TIAM2: variants seen among roughly 807,000 people sequenced by gnomAD.
The protein encoded by TIAM2 is rho guanine nucleotide exchange factor TIAM2.
In TIAM2, 80 loss-of-function variants were observed where a neutral mutation model predicts 152.9. The ratio of observed to expected loss-of-function variants is 0.52; its 90% CI spans 0.44 to 0.63. The LOEUF is 0.63. Among genes scored for constraint, TIAM2 ranks in the 30% least tolerant of loss-of-function variants. TIAM2 has a pLI of 0.00. For synonymous variants in TIAM2, 804 were observed against 838.0 expected, an observed-to-expected ratio of 0.96 and a Z score of 0.70; for missense variants, 1,965 against 2,120.1, an observed-to-expected ratio of 0.93 and a Z score of 1.44.
chr6:155,079,258 C>T (rs987211668), intron 1 of TIAM2, among the ~76,000 whole-genome samples: 4 of 152,106 alleles, frequency 2.6e-5, no homozygotes, highest in Admixed American at 2.6e-4. Flanking sequence ...GACTGGGTTT[C>T]ACCATGTTGG....
In TIAM2 at chr6:155,257,263, A is replaced by AAAG. The variant is rs1309658387; in HGVS notation, c.*144_*146dup. Reference sequence around the variant, plus strand: ...ATACATTTTCCCACAAAATGGTTGTAAAGATTTAAGTTATTTTAATTTATT... The same window carrying AAAG: ...ATACATTTTCCCACAAAATGGTTGTAAAGAAGATTTAAGTTATTTTAATTTATT... On this transcript the variant is annotated 3_prime_UTR_variant, in exon 27 of 27. Transcript: ENST00000682666. 4.2e-6 allele frequency: 4 copies of AAAG among 945,122 alleles called. No individual in the cohort carries two copies. In the African/African-American group the frequency reaches 5.0e-5, roughly 12 times the overall value. 58.5% of individuals were successfully genotyped at this position (945,122 alleles called of 1,614,324 possible). A position where few individuals can be genotyped will look rare whatever the true frequency, so the allele number is the denominator to read the frequency against.
intron 15 of TIAM2, among the ~76,000 whole-genome samples, chr6:155,224,540 G>C (rs1467234517): frequency 6.6e-6 from 1 of 152,084 alleles, no homozygotes; most frequent in Admixed American, 6.5e-5. Flanking sequence ...TGAAGAAAAG[G>C]GCAAGAAAAA....
intron 14 of TIAM2, among the ~76,000 whole-genome samples, chr6:155,204,466 G>A (rs1218675089): frequency 6.6e-6 from 1 of 152,110 alleles, no homozygotes; most frequent in Non-Finnish European, 1.5e-5. Flanking sequence ...TTCAAACAAA[G>A]TATTCAAACC....
At chr6:155,184,450 A>G (rs527743922) in intron 14 of TIAM2, among the ~76,000 whole-genome samples, 5 of 152,318 alleles carry the variant, frequency 3.3e-5, no homozygotes, top group Admixed American at 6.5e-5. Context: ...TGTGTATTTC[A>G]TGTACTGCAG....
At position 155,129,305 on chromosome 6, in the gene TIAM2, T is replaced by G. The variant is rs1402890290; in HGVS notation, c.82T>G (p.Cys28Gly). ...TATTACTGGTGCTAAGCAAATTCCT[T>G]GCTCCCTGAAAATACGTGGCATTCA... ...NTITGAKQIP[C>G]SLKIRGIHAK... The change falls in exon 4 of 27, where the codon TGC becomes GGC. Residue 28 changes from cysteine (C) to glycine (G), a missense_variant. Around this residue, in one of 3 missense-constraint regions of TIAM2, gnomAD observed 1,025 missense variants for 1,119.4 expected, o/e 0.92. Transcript: ENST00000682666. The surrounding 1 kb of genome is among the most constrained non-coding windows in gnomAD (Gnocchi z 4.8). The G allele has an allele frequency of 6.2e-7, 1 of 1,614,214 alleles. No individual in the cohort carries two copies. The highest frequency in any genetic ancestry group is 1.1e-5 in the South Asian group (1 of 91,080).
chr6:155,180,149 C>T (rs868792409), intron 12 of TIAM2, among the ~76,000 whole-genome samples: 38 of 152,080 alleles, frequency 2.5e-4, no homozygotes, highest in African/African-American at 8.9e-4. Flanking sequence ...CATGGTGGTA[C>T]ATGCCTGTAA....
In TIAM2 at chr6:155,177,658, C is replaced by T. The variant is rs139181943; in HGVS notation, c.2523+681C>T. Among the ~76,000 whole-genome samples the T allele has an allele frequency of 2.4e-4, 36 of 152,358 alleles. No individual in the cohort carries two copies. In the East Asian group the frequency reaches 5.8e-3, roughly 24 times the overall value. ...CATATAGAGTTTGGCAACACTTAAT[C>T]ATGTGCACTTAATAAATGTGAAAAA... On this transcript the variant is annotated intron_variant, in intron 10 of 26. Transcript: ENST00000682666.
intron 1 of TIAM2, among the ~76,000 whole-genome samples, chr6:155,017,283 T>C (rs1244329462): frequency 6.6e-6 from 1 of 151,792 alleles, no homozygotes; most frequent in Non-Finnish European, 1.5e-5. Context: ...GGTAATGACG[T>C]GATTGTGGAA....
chr6:155,065,205 C>T (rs1056625843), intron 1 of TIAM2, among the ~76,000 whole-genome samples: 3 of 152,070 alleles, frequency 2.0e-5, no homozygotes, highest in African/African-American at 2.4e-5. Context: ...CTGCCCACCT[C>T]GGCCTCCCAA....
At chr6:155,109,402 G>A (rs1778780910) in intron 2 of TIAM2, among the ~76,000 whole-genome samples, 1 of 152,166 alleles carries the variant, frequency 6.6e-6, no homozygotes, top group African/African-American at 2.4e-5. Flanking sequence ...CTACATGAAG[G>A]TAATAACAGC....
chr6:155,118,275 G>A (rs1323947090), intron 2 of TIAM2, among the ~76,000 whole-genome samples: 2 of 152,160 alleles, frequency 1.3e-5, no homozygotes, highest in Non-Finnish European at 2.9e-5. Flanking sequence ...CCCTGAAGGA[G>A]CTGGGGTCTT....
chr6:155,217,263 T>G (rs1307213219), intron 15 of TIAM2, among the ~76,000 whole-genome samples: 1 of 152,368 alleles, frequency 6.6e-6, no homozygotes, highest in African/African-American at 2.4e-5. Flanking sequence ...CTGACAGTGA[T>G]CTTTACATGC....
chr6:155,035,623 A>G (rs1189394261), intron 1 of TIAM2, among the ~76,000 whole-genome samples: 1 of 152,192 alleles, frequency 6.6e-6, no homozygotes, highest in Non-Finnish European at 1.5e-5. Context: ...TGTAAGGTCT[A>G]AGCAATTTGA....
chr6:155,247,836 C>T (rs1036398905), intron 19 of TIAM2, among the ~76,000 whole-genome samples, 164 bp from the exon 20 acceptor site: 2 of 152,184 alleles, frequency 1.3e-5, no homozygotes, highest in African/African-American at 4.8e-5. Context: ...CGGAATCCCA[C>T]GCTGACAGCT....
chr6:155,152,450 C>A (rs1779996633), intron 7 of TIAM2, among the ~76,000 whole-genome samples: 1 of 152,188 alleles, frequency 6.6e-6, no homozygotes, highest in Non-Finnish European at 1.5e-5. Flanking sequence ...GCCGTACCTC[C>A]CCGCTCTCTG....
chr6:155,224,520 G>A (rs28360574), intron 15 of TIAM2, among the ~76,000 whole-genome samples: 15,700 of 152,192 alleles, frequency 0.1, 899 homozygotes, highest in African/African-American at 0.16. Context: ...CTGCTGTCTT[G>A]ATAATAACAT....
intron 15 of TIAM2, among the ~76,000 whole-genome samples, chr6:155,235,094 A>T (rs1183987225): frequency 6.6e-6 from 1 of 152,048 alleles, no homozygotes; most frequent in Non-Finnish European, 1.5e-5. Flanking sequence ...GCCCTGTGCC[A>T]TTTAAGGTCT....
intron 1 of TIAM2, among the ~76,000 whole-genome samples, chr6:155,014,666 G>A (rs948932803): frequency 6.6e-6 from 1 of 152,186 alleles, no homozygotes; most frequent in Non-Finnish European, 1.5e-5. Context: ...ACTCAATTGT[G>A]AGTTCTTGTC....
chr6:155,121,522 G>A (rs1421244384), intron 2 of TIAM2, among the ~76,000 whole-genome samples: 1 of 152,146 alleles, frequency 6.6e-6, no homozygotes, highest in Non-Finnish European at 1.5e-5. Flanking sequence ...GGCTTAACCC[G>A]AGTTCGCTGA....
Sources: allele counts gnomAD v4.1 joint callset (sites outside exome capture counted in the v4.1 genomes callset), GRCh38; gene constraint gnomAD v4.1.1; regional missense constraint gnomAD v4.1.1; non-coding constraint Gnocchi (gnomAD v3.1); transcripts MANE v1.5; gene names NCBI Gene and HGNC (gene_info 2026-07-23, HGNC 2026-07-21).